GPC6: variants seen among roughly 807,000 people sequenced by gnomAD.
GPC6 encodes glypican 6.
GPC6 carries 14 observed loss-of-function variants against 55.2 expected under a neutral mutation model. That is an observed-to-expected ratio of 0.25 (90% confidence interval 0.17 to 0.40). The LOEUF (loss-of-function observed/expected upper bound fraction) is 0.40. Among genes scored for constraint, GPC6 ranks in the 10% least tolerant of loss-of-function variants. GPC6 has a pLI of 1.00. For synonymous variants in GPC6, 278 were observed against 259.6 expected (o/e 1.07, Z -0.68); for missense variants, 641 against 708.5 (o/e 0.90, Z 1.08).
At chr13:94,350,112 G>A (rs981326154) in intron 6 of GPC6, among the ~76,000 whole-genome samples, 1 of 144,510 alleles carries the variant, frequency 6.9e-6, no homozygotes, top group African/African-American at 2.7e-5. Flanking sequence ...CAGTGTGTGT[G>A]TAAACCTTTC....
intron 2 of GPC6, among the ~76,000 whole-genome samples, chr13:93,566,000 A>G (rs1876090525): frequency 6.6e-6 from 1 of 152,140 alleles, no homozygotes; most frequent in African/African-American, 2.4e-5. Context: ...TCAGAGAGAA[A>G]TGAACAACAA....
chr13:93,872,370 T>C (rs1889155934), intron 3 of GPC6, among the ~76,000 whole-genome samples: 1 of 152,016 alleles, frequency 6.6e-6, no homozygotes, highest in Admixed American at 6.6e-5. Context: ...TAACCTGTAT[T>C]CTCATAAAGC....
intron 2 of GPC6, among the ~76,000 whole-genome samples, chr13:93,735,063 T>A (rs1037846219): frequency 1.3e-5 from 2 of 152,206 alleles, no homozygotes; most frequent in South Asian, 2.1e-4. Flanking sequence ...TATATTGTCC[T>A]TTTACCAATA....
At chr13:94,042,047 G>C (rs191794728) in intron 4 of GPC6, among the ~76,000 whole-genome samples, 100 of 151,928 alleles carry the variant, frequency 6.6e-4, no homozygotes, top group Non-Finnish European at 1.0e-3. Context: ...CATGTTGACA[G>C]TTTCTCATGA....
chr13:94,372,212 A>C (rs1334298445), intron 6 of GPC6, among the ~76,000 whole-genome samples: 1 of 152,142 alleles, frequency 6.6e-6, no homozygotes, highest in Non-Finnish European at 1.5e-5. Context: ...GGGAGGAGCC[A>C]AGATGGCCGA....
intron 1 of GPC6, among the ~76,000 whole-genome samples, chr13:93,350,044 TATTC>T (rs1330235392): frequency 6.6e-6 from 1 of 152,240 alleles, no homozygotes; most frequent in African/African-American, 2.4e-5. Context: ...AGACAGTACT[TATTC>T]TATTTGTCCA....
At chr13:94,236,092 G>A (rs1890869929) in intron 4 of GPC6, among the ~76,000 whole-genome samples, 1 of 152,084 alleles carries the variant, frequency 6.6e-6, no homozygotes, top group African/African-American at 2.4e-5. Context: ...TCCTGTTTAT[G>A]GGGGAGTTTA....
chr13:94,306,332 G>T, intron 6 of GPC6: 1 of 663,120 alleles, frequency 1.5e-6, no homozygotes, highest in East Asian at 2.8e-5. Flanking sequence ...AATCCATTAA[G>T]AAACTATTAA....
Position 94,403,154 on chromosome 13 carries a change from C to G in GPC6, c.1605C>G (p.Gly535=), listed in dbSNP as rs1370511993. 1.2e-6 allele frequency: 2 copies of G among 1,613,822 alleles called. No homozygotes were observed. The highest frequency in any genetic ancestry group is 1.7e-6 in the Non-Finnish European group (2 of 1,179,726). ...REVDSSAAQR[G]HSLLSWSLTC... is the part of the protein sequence containing the mutation. ...TGGACTCTTCTGCAGCCCAGCGTGGCCACTCCCTGCTCTCCTGGTCTCTCA... is the reference window on the plus strand; with the variant it reads ...TGGACTCTTCTGCAGCCCAGCGTGGGCACTCCCTGCTCTCCTGGTCTCTCA... Residue 535 remains glycine (G), a synonymous_variant, in exon 9 of 9, where the codon GGC becomes GGG. Transcript: ENST00000377047.
At chr13:93,602,441 ATTAACC>A (rs1333477899) in intron 2 of GPC6, among the ~76,000 whole-genome samples, 1 of 152,202 alleles carries the variant, frequency 6.6e-6, no homozygotes, top group Admixed American at 6.5e-5. Context: ...TTAGTTTGGC[ATTAACC>A]TTGAATGTGA....
At chr13:93,275,365 C>T (rs1877695974) in intron 1 of GPC6, among the ~76,000 whole-genome samples, 1 of 152,050 alleles carries the variant, frequency 6.6e-6, no homozygotes, top group African/African-American at 2.4e-5. Context: ...TTTTATGAGG[C>T]ATGGAAATGA....
intron 2 of GPC6, among the ~76,000 whole-genome samples, chr13:93,648,595 T>C (rs1453106921): frequency 6.6e-6 from 1 of 152,212 alleles, no homozygotes; most frequent in Non-Finnish European, 1.5e-5. Context: ...TAGGCAGTAT[T>C]GCAGAGACTG....
At chr13:93,822,100 T>C (rs1371474380) in intron 2 of GPC6, among the ~76,000 whole-genome samples, 1 of 151,918 alleles carries the variant, frequency 6.6e-6, no homozygotes, top group African/African-American at 2.4e-5. Context: ...ATACATAAAA[T>C]GATTTACACA....
chr13:93,256,552 G>A (rs1876959694), intron 1 of GPC6, among the ~76,000 whole-genome samples: 1 of 152,154 alleles, frequency 6.6e-6, no homozygotes, highest in African/African-American at 2.4e-5. Flanking sequence ...ATAGCCCTCA[G>A]TGCCTGGCTC....
intron 4 of GPC6, among the ~76,000 whole-genome samples, chr13:94,085,429 A>G (rs1325430173): frequency 1.3e-5 from 2 of 152,154 alleles, no homozygotes; most frequent in Non-Finnish European, 2.9e-5. Flanking sequence ...TCATGAGCAA[A>G]GCAGTGTTTT....
intron 7 of GPC6, among the ~76,000 whole-genome samples, chr13:94,384,419 C>T (rs1428956992): frequency 6.6e-6 from 1 of 152,192 alleles, no homozygotes; most frequent in African/African-American, 2.4e-5. Context: ...TTGAGCTTCT[C>T]TGTTTCCCAT....
intron 5 of GPC6, among the ~76,000 whole-genome samples, chr13:94,291,841 G>A (rs1594138150): frequency 6.6e-6 from 1 of 152,090 alleles, no homozygotes; most frequent in East Asian, 1.9e-4. Context: ...CTCCAGGTGA[G>A]GCCAGAAGCT....
intron 7 of GPC6, among the ~76,000 whole-genome samples, chr13:94,386,422 C>A (rs1039886693): frequency 6.6e-6 from 1 of 150,964 alleles, no homozygotes; most frequent in Non-Finnish European, 1.5e-5. Flanking sequence ...GAGACCCTGT[C>A]TCTACAAAAA....
chr13:93,963,393 A>G (rs1254747687), intron 3 of GPC6, among the ~76,000 whole-genome samples: 3 of 152,166 alleles, frequency 2.0e-5, no homozygotes, highest in Non-Finnish European at 4.4e-5. Flanking sequence ...AATTTTGTAA[A>G]CACCAGGTGG....
Sources: gnomAD v4.1 joint callset for allele counts (sites outside exome capture counted in the v4.1 genomes callset) on GRCh38, gnomAD v4.1.1 for gene constraint, MANE v1.5 for transcripts, NCBI Gene and HGNC (gene_info 2026-07-23, HGNC 2026-07-21) for gene names.